SYNJ2BP: variants seen among roughly 807,000 people sequenced by gnomAD.
SYNJ2BP encodes the protein synaptojanin 2 binding protein.
In SYNJ2BP, 10 loss-of-function variants were observed where a neutral mutation model predicts 16.9. That is an observed-to-expected ratio of 0.59 (90% CI 0.36 to 1.00). The LOEUF is 1.00. Ranked by LOEUF, SYNJ2BP falls within the 50% of genes least tolerant of loss-of-function variation. The pLI is 0.01. For missense variants in SYNJ2BP, 162 were observed against 186.7 expected (o/e 0.87, Z 0.77); for synonymous variants, 54 against 68.4 (o/e 0.79, Z 1.04).
At chr14:70,391,986 T>C (rs151332065) in intron 1 of SYNJ2BP, among the ~76,000 whole-genome samples, 4 of 152,326 alleles carry the variant, frequency 2.6e-5, no homozygotes, top group African/African-American at 9.6e-5. Context: ...CAGCATTAAG[T>C]AGTGGCATGA....
intron 2 of SYNJ2BP, among the ~76,000 whole-genome samples, chr14:70,385,467 G>A (rs771924194): frequency 3.3e-5 from 5 of 151,770 alleles, no homozygotes; most frequent in African/African-American, 1.2e-4. Flanking sequence ...AGCGATTCTC[G>A]TGCCTCAGCC....
intron 1 of SYNJ2BP, among the ~76,000 whole-genome samples, chr14:70,390,647 G>A (rs1362191132): frequency 2.7e-5 from 4 of 150,030 alleles, no homozygotes; most frequent in African/African-American, 9.8e-5. Flanking sequence ...CAGCCTGGGC[G>A]ACAGAGCAAG....
At chr14:70,415,470 G>A (rs975485085) in intron 1 of SYNJ2BP, among the ~76,000 whole-genome samples, 5 of 151,206 alleles carry the variant, frequency 3.3e-5, no homozygotes, top group Non-Finnish European at 7.4e-5. Context: ...AGGATTGCTT[G>A]AGCCTAAGAG....
intron 1 of SYNJ2BP, among the ~76,000 whole-genome samples, chr14:70,394,652 T>C (rs943125825): frequency 2.0e-5 from 3 of 152,072 alleles, no homozygotes; most frequent in African/African-American, 7.2e-5. Context: ...GTGTGCCTAA[T>C]AGAAGAACCT....
chr14:70,368,762 A>C lies in SYNJ2BP; in HGVS notation c.*4229T>G, dbSNP rs1222754706. ...TAATTTAATAATTTAAATAGTGTTT[A>C]ATTAAATAGTGTCTTGTTTAAATGC... is the stretch of plus-strand genomic sequence containing the variant. On this transcript the variant is annotated 3_prime_UTR_variant, in exon 4 of 4. Coordinates refer to ENST00000256366, the MANE Select transcript of SYNJ2BP (RefSeq NM_018373.3). 6.6e-6 allele frequency: 1 copy of C among 151,702 alleles called. No individual in the cohort carries two copies. Among genetic ancestry groups the C allele is most frequent in the East Asian group, 1.9e-4 (1 of 5,198 alleles). The allele number at this position is 151,702 out of a possible 1,614,324, so 9.4% of individuals were successfully genotyped here.
At chr14:70,387,197 C>A (rs1887878323) in intron 2 of SYNJ2BP, among the ~76,000 whole-genome samples, 1 of 152,166 alleles carries the variant, frequency 6.6e-6, no homozygotes, top group African/African-American at 2.4e-5. Context: ...TGCACTGTTT[C>A]CATACAAGTA....
At chr14:70,396,252 G>A (rs912595535) in intron 1 of SYNJ2BP, among the ~76,000 whole-genome samples, 10 of 152,042 alleles carry the variant, frequency 6.6e-5, no homozygotes, top group African/African-American at 2.4e-4. Flanking sequence ...TGAGTAACTG[G>A]GATTACAAGC....
intron 2 of SYNJ2BP, among the ~76,000 whole-genome samples, chr14:70,386,437 A>G (rs903213827): frequency 6.6e-6 from 1 of 152,200 alleles, no homozygotes; most frequent in Non-Finnish European, 1.5e-5. Context: ...GCTTGATACT[A>G]TATTTATATT....
intron 1 of SYNJ2BP, among the ~76,000 whole-genome samples, chr14:70,391,672 T>C (rs1225295872): frequency 1.3e-5 from 2 of 152,194 alleles, no homozygotes; most frequent in Admixed American, 6.5e-5. Context: ...GAATGCAATG[T>C]AGTAGTTAGC....
chr14:70,384,996 T>C (rs1887829680), intron 2 of SYNJ2BP, among the ~76,000 whole-genome samples: 1 of 152,258 alleles, frequency 6.6e-6, no homozygotes, highest in African/African-American at 2.4e-5. Flanking sequence ...TGGATGCCTT[T>C]TCCTTAAATG....
chr14:70,388,440 A>G (rs747387282), intron 2 of SYNJ2BP, 30 bp downstream of exon 2: 1 of 1,515,028 alleles, frequency 6.6e-7, no homozygotes, highest in South Asian at 1.4e-5. Context: ...GGAGCAAAGG[A>G]CAGTGAAGGA....
rs1216331518 is a variant in SYNJ2BP, at chr14:70,388,619, T to G, written c.65-13A>C. On this transcript the variant is annotated splice_polypyrimidine_tract_variant and intron_variant, in intron 1 of 3. Coordinates refer to ENST00000256366, the MANE Select transcript of SYNJ2BP (RefSeq NM_018373.3). ...TTGAAGCCCAGCCCTGAGAAAATCA[T>G]GGAGGAGTAAAAAGATGGGGGTGAA... is the stretch of plus-strand genomic sequence containing the variant. 1.4e-6 allele frequency: 2 copies of G among 1,476,946 alleles called. No homozygotes were observed. The highest frequency in any genetic ancestry group is 2.9e-5 in the South Asian group (2 of 68,682). 91.5% of individuals were successfully genotyped at this position (1,476,946 alleles called of 1,614,324 possible).
chr14:70,388,005 T>A (rs1887897819), intron 2 of SYNJ2BP, among the ~76,000 whole-genome samples: 1 of 152,054 alleles, frequency 6.6e-6, no homozygotes, highest in Non-Finnish European at 1.5e-5. Context: ...TAATAATGGG[T>A]GAAAAAGGGC....
intron 1 of SYNJ2BP, among the ~76,000 whole-genome samples, chr14:70,408,068 C>A (rs950212938): frequency 1.3e-5 from 2 of 150,420 alleles, no homozygotes; most frequent in Non-Finnish European, 2.9e-5. Flanking sequence ...GGAAATCTCA[C>A]AAGGTTAAAA....
chr14:70,390,262 T>C (rs1887951497), intron 1 of SYNJ2BP, among the ~76,000 whole-genome samples: 2 of 152,202 alleles, frequency 1.3e-5, no homozygotes, highest in East Asian at 1.9e-4. Context: ...AGGGGCACAG[T>C]GTAAGACAAA....
At chr14:70,410,990 C>T (rs998955964) in intron 1 of SYNJ2BP, among the ~76,000 whole-genome samples, 4 of 151,920 alleles carry the variant, frequency 2.6e-5, no homozygotes, top group African/African-American at 4.8e-5. Context: ...TATACATGTA[C>T]CCCTGAACCT....
At position 70,373,098 on chromosome 14, in the gene SYNJ2BP, C is replaced by T. The variant is rs1887551831; in HGVS notation, c.331G>A (p.Gly111Ser). 1 of 1,614,142 alleles carries T rather than the reference C, an allele frequency of 6.2e-7. No individual in the cohort carries two copies. Among genetic ancestry groups the T allele is most frequent in the African/African-American group, 1.3e-5 (1 of 75,038 alleles). The change falls in exon 4 of 4, where the codon GGT (glycine) becomes AGT (serine). Residue 111 changes from glycine to serine, a missense_variant. Physicochemically the swap from Gly to Ser is moderately conservative, Grantham distance 56. Coordinates refer to ENST00000256366, the MANE Select transcript of SYNJ2BP (RefSeq NM_018373.3). ...QVQNGPIGHR[G>S]EGDPSGIPIF... ...GGAATACCACTTGGGTCCCCTTCAC[C>T]TCGATGTCCTATAGGTCCATTCTGC...
At position 70,375,644 on chromosome 14, in the gene SYNJ2BP, G is replaced by C. The variant is rs373022406; in HGVS notation, c.297+32C>G. 11 of 1,600,870 alleles carry C rather than the reference G, an allele frequency of 6.9e-6. No individual in the cohort carries two copies. The South Asian group carries it at 1.0e-4, about 15-fold the overall frequency. The stretch of plus-strand genomic sequence containing the variant: ...TTCAGAAGTACAGTGCAAAAGCCTG[G>C]TGCCAGGTTTCTGGCTCAAAGTGAT... On this transcript the variant is annotated intron_variant, in intron 3 of 3. Transcript: ENST00000256366.
At chr14:70,398,637 G>A (rs1888159713) in intron 1 of SYNJ2BP, among the ~76,000 whole-genome samples, 1 of 152,162 alleles carries the variant, frequency 6.6e-6, no homozygotes, top group Non-Finnish European at 1.5e-5. Flanking sequence ...AGACACCCCT[G>A]AGCCTGTGGG....
Sources: allele counts gnomAD v4.1 joint callset (sites outside exome capture counted in the v4.1 genomes callset), GRCh38; gene constraint gnomAD v4.1.1; transcripts MANE v1.5; gene names NCBI Gene and HGNC (gene_info 2026-07-23, HGNC 2026-07-21).